THOC5: variants seen among roughly 807,000 people sequenced by gnomAD.
THOC5 encodes THO complex subunit 5, also known as Fms-interacting protein.
Under a neutral mutation model 92.9 loss-of-function variants are expected in THOC5, and 43 were observed. The ratio of observed to expected loss-of-function variants is 0.46; its 90% CI spans 0.36 to 0.60. The LOEUF (loss-of-function observed/expected upper bound fraction) is 0.60. THOC5 is among the 20% of genes least tolerant of loss of function. The pLI, the probability that THOC5 is intolerant of heterozygous loss-of-function variation, is 0.00. For missense variants in THOC5, 659 were observed against 849.4 expected, an observed-to-expected ratio of 0.78 and a Z score of 2.79; for synonymous variants, 296 against 320.1, an observed-to-expected ratio of 0.92 and a Z score of 0.80.
At position 29,508,307 on chromosome 22, in the gene THOC5, A is replaced by G. The variant is rs947738111; in HGVS notation, c.*150T>C. On this transcript the variant is annotated 3_prime_UTR_variant, in exon 20 of 20. Coordinates refer to ENST00000490103, the MANE Select transcript of THOC5 (RefSeq NM_003678.5). ...CAGACTGCAAAGCCACCTTGCCAGG[A>G]ACCACAGACAAAGGCCACTGGTCAG... 2.6e-6 allele frequency: 2 copies of G among 767,636 alleles called. No individual in the cohort carries two copies. Among genetic ancestry groups the G allele is most frequent in the Non-Finnish European group, 4.2e-6 (2 of 475,144 alleles). The allele number at this position is 767,636 out of a possible 1,614,324, so 47.6% of individuals were successfully genotyped here.
chr22:29,531,135 A>C (rs750502017), intron 8 of THOC5: 1 of 1,173,268 alleles, frequency 8.5e-7, no homozygotes, highest in South Asian at 1.7e-5. Flanking sequence ...AGGAGGGAGA[A>C]CAAAGGGGAG....
chr22:29,522,233 G>A (rs1309772300), intron 12 of THOC5, among the ~76,000 whole-genome samples: 2 of 151,458 alleles, frequency 1.3e-5, no homozygotes, highest in East Asian at 1.9e-4. Flanking sequence ...GGTGGCGGGC[G>A]CCTATAGTCC....
chr22:29,543,347 C>CAAAAAAA lies in THOC5; in HGVS notation c.354+75_354+81dup, dbSNP rs59948387. The CAAAAAAA allele has an allele frequency of 3.3e-4, 155 of 466,174 alleles. 2 individuals carry two copies. In the African/African-American group the frequency reaches 3.9e-3, roughly 12 times the overall value. The allele number at this position is 466,174 out of a possible 1,614,324, so 28.9% of individuals were successfully genotyped here. On this transcript the variant is annotated intron_variant, in intron 4 of 19. Coordinates refer to ENST00000490103, the MANE Select transcript of THOC5 (RefSeq NM_003678.5). ...TGGGGGACAGAACGAGACTCTGTCTCAAAAAAAAAAAAAAAAAAAAAAAAA... is the reference window on the plus strand; with the variant it reads ...TGGGGGACAGAACGAGACTCTGTCTCAAAAAAAAAAAAAAAAAAAAAAAAAAAAAAAA...
rs758325423 is a variant in THOC5 at position 29,528,135 on chromosome 22, G to A, written c.1009C>T (p.Arg337Cys). Residue 337 changes from arginine to cysteine, a missense_variant, in exon 11 of 20, where the codon CGC becomes TGC. Coordinates refer to ENST00000490103, the MANE Select transcript of THOC5 (RefSeq NM_003678.5). ...GGGTGCCTCTTCAGCATCTCCTTGC[G>A]TTTGTCGTCCAACTGAACCCCCAGT... ...PTLGVQLDDK[R>C]KEMLKRHPLS... 4 of 1,614,154 alleles carry A rather than the reference G, an allele frequency of 2.5e-6. No individual in the cohort carries two copies. The highest frequency in any genetic ancestry group is 3.4e-6 in the Non-Finnish European group (4 of 1,180,014).
At chr22:29,536,219 GT>G (rs1317581566) in intron 7 of THOC5, 4 of 166,518 alleles carry the variant, frequency 2.4e-5, no homozygotes, top group Non-Finnish European at 5.1e-5. Context: ...CATGAGTAAA[GT>G]TTTTTTCAGA....
At chr22:29,538,383 G>A (rs1050859399) in intron 6 of THOC5, among the ~76,000 whole-genome samples, 3 of 152,162 alleles carry the variant, frequency 2.0e-5, no homozygotes, top group African/African-American at 7.2e-5. Context: ...CTAGAATGTT[G>A]CACAACCTCC....
chr22:29,541,817 C>T (rs1328654649), intron 5 of THOC5, among the ~76,000 whole-genome samples: 6 of 126,838 alleles, frequency 4.7e-5, no homozygotes, highest in South Asian at 2.6e-4. Context: ...GCCGAGATCA[C>T]GCCACTGCAC....
chr22:29,528,803 G>A (rs893112506), intron 9 of THOC5: 3 of 498,686 alleles, frequency 6.0e-6, no homozygotes, highest in African/African-American at 5.8e-5. Flanking sequence ...ATAACTTGAG[G>A]GGGTACTATG....
At position 29,528,105 on chromosome 22, in the gene THOC5, A is replaced by G; in HGVS notation, c.1039T>C (p.Ser347Pro). The stretch of plus-strand genomic sequence containing the variant: ...TTGCACTTCAGGTCGAGCATGACAG[A>G]CAGTGGGTGCCTCTTCAGCATCTCC... ...RKEMLKRHPL[S>P]VMLDLKCKDD... is the part of the protein sequence containing the mutation. The change falls in exon 11 of 20, where the codon TCT (serine) becomes CCT (proline). Residue 347 changes from serine (S) to proline (P), a missense_variant. Ser to Pro is a moderately conservative substitution (Grantham distance 74, BLOSUM62 -1). Coordinates refer to ENST00000490103, the MANE Select transcript of THOC5 (RefSeq NM_003678.5). 1 of 1,614,214 alleles carries G rather than the reference A, an allele frequency of 6.2e-7. No individual in the cohort carries two copies. Among genetic ancestry groups the G allele is most frequent in the Non-Finnish European group, 8.5e-7 (1 of 1,180,038 alleles).
In THOC5 at chr22:29,536,733, G is replaced by A. The variant is rs2063767671; in HGVS notation, c.605C>T (p.Ala202Val). 6.3e-7 allele frequency: 1 copy of A among 1,593,906 alleles called. No individual in the cohort carries two copies. Among genetic ancestry groups the A allele is most frequent in the Non-Finnish European group, 8.6e-7 (1 of 1,161,664 alleles). The change falls in exon 7 of 20, where the codon GCA (alanine) becomes GTA (valine). Residue 202 changes from alanine to valine, a missense_variant. Ala to Val is a moderately conservative substitution (Grantham distance 64, BLOSUM62 0). Coordinates refer to ENST00000490103, the MANE Select transcript of THOC5 (RefSeq NM_003678.5). ...AGATAGGCACTCTCGGTACTTCTCT[G>A]CCAGCCTGTTGGGGGAGGAAAGAGC... ...DWELEQRKRLAEKYRECLSNK... is the reference protein window; with the variant it reads ...DWELEQRKRLVEKYRECLSNK...
At chr22:29,521,234 C>A in intron 12 of THOC5, 135 bp from the exon 13 acceptor site, 1 of 674,952 alleles carries the variant, frequency 1.5e-6, no homozygotes, top group Non-Finnish European at 2.6e-6. Flanking sequence ...TTTCTGTGGG[C>A]CAGACCGTTT....
At chr22:29,550,224 C>T (rs569665950) in intron 1 of THOC5, among the ~76,000 whole-genome samples, 4 of 152,244 alleles carry the variant, frequency 2.6e-5, no homozygotes, top group African/African-American at 7.2e-5. Flanking sequence ...AACTGAGGCT[C>T]GCAAGGGGAA....
intron 19 of THOC5, among the ~76,000 whole-genome samples, chr22:29,508,872 T>A (rs969554062): frequency 1.4e-4 from 21 of 151,580 alleles, no homozygotes; most frequent in African/African-American, 5.1e-4. Flanking sequence ...CTCGGCTCAC[T>A]GCAACCCCTG....
intron 1 of THOC5, among the ~76,000 whole-genome samples, chr22:29,552,395 C>CCG (rs2064176060): frequency 1.3e-5 from 2 of 150,402 alleles, no homozygotes; most frequent in African/African-American, 2.4e-5. Context: ...CTCTGCCCCG[C>CCG]CGCCCCGTCT....
intron 7 of THOC5, chr22:29,534,475 T>C (rs1366117711): frequency 2.6e-5 from 4 of 152,188 alleles, no homozygotes; most frequent in Admixed American, 6.5e-5. Context: ...TTAAAAGTTG[T>C]ATTCAAGACC....
chr22:29,549,535 T>C (rs1011476897), intron 1 of THOC5, among the ~76,000 whole-genome samples: 7 of 152,096 alleles, frequency 4.6e-5, no homozygotes, highest in Admixed American at 2.6e-4. Flanking sequence ...CCCTCCACAT[T>C]CCTCTCCAGG....
chr22:29,523,419 C>T (rs1244352182), intron 12 of THOC5, among the ~76,000 whole-genome samples: 1 of 152,104 alleles, frequency 6.6e-6, no homozygotes, highest in East Asian at 1.9e-4. Context: ...AGCCATGATA[C>T]AGTCCTGCCC....
chr22:29,536,922 A>G (rs2063771902), intron 6 of THOC5, among the ~76,000 whole-genome samples, 184 bp from the exon 7 acceptor site: 1 of 152,256 alleles, frequency 6.6e-6, no homozygotes, highest in African/African-American at 2.4e-5. Flanking sequence ...TAATACTTAT[A>G]AAGACCCTGG....
In THOC5 at chr22:29,519,023, T is replaced by C; in HGVS notation, c.1472A>G (p.Lys491Arg). The change falls in exon 15 of 20, where the codon AAA becomes AGA. Residue 491 changes from lysine to arginine, a missense_variant. Coordinates refer to ENST00000490103, the MANE Select transcript of THOC5 (RefSeq NM_003678.5). The part of the protein sequence containing the change: ...TRVQSRLALH[K>R]QFASLEHGIV... ...CAGCTTACCTAGGGATGCAAACTGT[T>C]TGTGGAGGGCCAGGCGGGACTGCAC... The C allele has an allele frequency of 1.2e-6, 2 of 1,606,264 alleles. No homozygotes were observed. The highest frequency in any genetic ancestry group is 1.3e-5 in the African/African-American group (1 of 74,882).
Sources: gnomAD v4.1 joint callset for allele counts (sites outside exome capture counted in the v4.1 genomes callset) on GRCh38, gnomAD v4.1.1 for gene constraint, MANE v1.5 for transcripts, NCBI Gene and HGNC (gene_info 2026-07-23, HGNC 2026-07-21) for gene names.